Variants in FHIT observed in about 807,000 individuals in gnomAD.
The protein encoded by FHIT is bis(5'-adenosyl)-triphosphatase.
FHIT carries 19 observed loss-of-function variants against 17.9 expected under a neutral mutation model. That is an observed-to-expected ratio of 1.06 (90% CI 0.74 to 1.56). The LOEUF (loss-of-function observed/expected upper bound fraction) is 1.56, where lower values mean the gene tolerates loss of function less well. FHIT is among the 40% of genes most tolerant of loss of function. FHIT has a pLI of 0.00. For missense variants in FHIT, 248 were observed against 189.2 expected, an observed-to-expected ratio of 1.31 and a Z score of -1.82; for synonymous variants, 81 against 69.7, an observed-to-expected ratio of 1.16 and a Z score of -0.81.
intron 7 of FHIT, among the ~76,000 whole-genome samples, chr3:59,998,167 C>A (rs886722467): frequency 6.6e-6 from 1 of 152,080 alleles, no homozygotes; most frequent in African/African-American, 2.4e-5. Flanking sequence ...ATGAGCCAAT[C>A]GACTCCTGAA....
intron 7 of FHIT, among the ~76,000 whole-genome samples, chr3:59,964,779 A>T (rs952517863): frequency 3.3e-5 from 5 of 152,116 alleles, no homozygotes; most frequent in African/African-American, 1.2e-4. Context: ...AACAGAAAAA[A>T]GCAAGTTGTA....
At chr3:60,413,600 G>A (rs1207209007) in intron 5 of FHIT, among the ~76,000 whole-genome samples, 3 of 152,080 alleles carry the variant, frequency 2.0e-5, no homozygotes, top group African/African-American at 2.4e-5. Context: ...AGTGGTAAAG[G>A]CATTGCCATT....
intron 5 of FHIT, among the ~76,000 whole-genome samples, chr3:60,399,854 G>C (rs901328251): frequency 4.6e-5 from 7 of 152,166 alleles, no homozygotes; most frequent in African/African-American, 1.4e-4. Flanking sequence ...TTCTGTGGCT[G>C]AGTTAGGCTA....
At chr3:60,466,667 A>G (rs113223081) in intron 5 of FHIT, among the ~76,000 whole-genome samples, 9 of 152,114 alleles carry the variant, frequency 5.9e-5, no homozygotes, top group African/African-American at 2.2e-4. Context: ...ATGATGTATC[A>G]TTGATTGATT....
At chr3:60,274,775 A>C (rs213348) in intron 5 of FHIT, among the ~76,000 whole-genome samples, 2 of 152,128 alleles carry the variant, frequency 1.3e-5, no homozygotes, top group African/African-American at 2.4e-5. Context: ...TCATGGCCTT[A>C]GTAGCCAGAC....
intron 2 of FHIT, among the ~76,000 whole-genome samples, chr3:61,150,745 G>C (rs559900954): frequency 6.6e-6 from 1 of 152,230 alleles, no homozygotes; most frequent in East Asian, 1.9e-4. Context: ...TTTACCAGTT[G>C]TTCACTATTT....
intron 5 of FHIT, among the ~76,000 whole-genome samples, chr3:60,122,499 TA>T (rs1705306024): frequency 6.6e-6 from 1 of 152,082 alleles, no homozygotes; most frequent in Non-Finnish European, 1.5e-5. Flanking sequence ...GAGGTGGTGG[TA>T]AAAATCTAGG....
chr3:60,423,122 G>C (rs1702537281), intron 5 of FHIT, among the ~76,000 whole-genome samples: 1 of 152,072 alleles, frequency 6.6e-6, no homozygotes, highest in Admixed American at 6.6e-5. Context: ...AGCCTCTCAT[G>C]GCAAAGCGAG....
intron 5 of FHIT, among the ~76,000 whole-genome samples, chr3:60,306,363 A>C (rs1270746432): frequency 1.3e-5 from 2 of 152,180 alleles, no homozygotes; most frequent in Non-Finnish European, 2.9e-5. Flanking sequence ...TTGTTTGAGG[A>C]AACTAAAGGT....
rs11382712 is a variant in FHIT, at chr3:60,909,369, G to GAA, written c.-110-87360_-110-87359dup. 7.1e-3 allele frequency among the ~76,000 whole-genome samples: 852 copies of GAA among 120,172 alleles called. 18 individuals are homozygous for GAA. The highest frequency in any genetic ancestry group is 0.021 in the African/African-American group (665 of 32,042). The allele number at this position is 120,172 out of a possible 152,430, so 78.8% of individuals were successfully genotyped here. On this transcript the variant is annotated intron_variant, in intron 3 of 9. Coordinates refer to ENST00000492590, the MANE Select transcript of FHIT (RefSeq NM_002012.4). ...GGGCAGCAGAGCGAGACTCTGTCTCGAAAAAAAAAAAAAAAAATGAGGGTA... is the reference window on the plus strand; with the variant it reads ...GGGCAGCAGAGCGAGACTCTGTCTCGAAAAAAAAAAAAAAAAAAATGAGGGTA...
At chr3:60,088,936 T>C (rs984937794) in intron 5 of FHIT, among the ~76,000 whole-genome samples, 2 of 152,174 alleles carry the variant, frequency 1.3e-5, no homozygotes, top group Admixed American at 6.5e-5. Context: ...GGAAAGACTA[T>C]GTAAGGCAAC....
intron 5 of FHIT, among the ~76,000 whole-genome samples, chr3:60,357,458 T>A (rs1447492721): frequency 6.6e-6 from 1 of 152,124 alleles, no homozygotes; most frequent in Non-Finnish European, 1.5e-5. Flanking sequence ...TTGGTCAGAC[T>A]GGTCTCAAAC....
chr3:61,031,992 A>T (rs759309656), intron 3 of FHIT, among the ~76,000 whole-genome samples: 5 of 152,220 alleles, frequency 3.3e-5, no homozygotes, highest in Non-Finnish European at 5.9e-5. Context: ...TGAGTGAATC[A>T]ACTGGCATCA....
chr3:60,246,865 A>G (rs1392897455), intron 5 of FHIT, among the ~76,000 whole-genome samples: 4 of 152,132 alleles, frequency 2.6e-5, no homozygotes, highest in Non-Finnish European at 1.5e-5. Flanking sequence ...GGTTTTCAAA[A>G]TGATTCTCCT....
chr3:61,191,982 G>C (rs151196239), intron 2 of FHIT, among the ~76,000 whole-genome samples: 1 of 152,282 alleles, frequency 6.6e-6, no homozygotes, highest in Non-Finnish European at 1.5e-5. Context: ...GGGGAAGTCA[G>C]CTCAGGGGTT....
chr3:60,706,579 A>T (rs9839019), intron 4 of FHIT, among the ~76,000 whole-genome samples: 1 of 152,064 alleles, frequency 6.6e-6, no homozygotes, highest in African/African-American at 2.4e-5. Context: ...TTAAAACAGC[A>T]TTTTGTCACC....
chr3:60,675,321 C>A (rs1418613298), intron 4 of FHIT, among the ~76,000 whole-genome samples: 3 of 152,176 alleles, frequency 2.0e-5, no homozygotes, highest in Admixed American at 6.5e-5. Context: ...CCACCTGCTA[C>A]TAAATGATGA....
intron 5 of FHIT, among the ~76,000 whole-genome samples, chr3:60,515,375 G>C (rs9824750): frequency 0.16 from 23,973 of 152,104 alleles, 2,210 homozygotes; most frequent in Middle Eastern, 0.24. Flanking sequence ...GACGTGAAAT[G>C]CAAGAAATTG....
intron 5 of FHIT, among the ~76,000 whole-genome samples, chr3:60,161,552 A>G (rs899771437): frequency 6.6e-6 from 1 of 152,194 alleles, no homozygotes; most frequent in African/African-American, 2.4e-5. Flanking sequence ...GACACTTTCA[A>G]GGGCATGATT....
Sources: allele counts gnomAD v4.1 joint callset (sites outside exome capture counted in the v4.1 genomes callset), GRCh38; gene constraint gnomAD v4.1.1; transcripts MANE v1.5; gene names NCBI Gene and HGNC (gene_info 2026-07-23, HGNC 2026-07-21).